Variants in SEMA6D observed in about 807,000 individuals in gnomAD.
The protein encoded by SEMA6D is semaphorin-6D.
In SEMA6D, 35 loss-of-function variants were observed where a neutral mutation model predicts 106.6. The ratio of observed to expected loss-of-function variants is 0.33; its 90% CI spans 0.25 to 0.44. The LOEUF (loss-of-function observed/expected upper bound fraction) is 0.44, where lower values mean the gene tolerates loss of function less well. Among genes scored for constraint, SEMA6D ranks in the 20% least tolerant of loss-of-function variants. SEMA6D has a pLI of 1.00. For missense variants in SEMA6D, 1,185 were observed against 1,345.9 expected (o/e 0.88, Z 1.87); for synonymous variants, 499 against 487.7 (o/e 1.02, Z -0.31).
chr15:47,496,959 A>G (rs73388968), intron 3 of SEMA6D, among the ~76,000 whole-genome samples: 2 of 152,056 alleles, frequency 1.3e-5, no homozygotes, highest in African/African-American at 4.8e-5. Flanking sequence ...CAGTCCTTCA[A>G]TGCACCACTA....
chr15:47,348,829 G>T (rs1480982064), intron 1 of SEMA6D, among the ~76,000 whole-genome samples: 1 of 151,680 alleles, frequency 6.6e-6, no homozygotes, highest in Non-Finnish European at 1.5e-5. Flanking sequence ...CTCACGGAGA[G>T]CTTTTAAGAG....
At chr15:47,487,206 G>A (rs1216020468) in intron 3 of SEMA6D, among the ~76,000 whole-genome samples, 1 of 152,180 alleles carries the variant, frequency 6.6e-6, no homozygotes, top group African/African-American at 2.4e-5. Context: ...AAGTGACATT[G>A]TGCAAGAGAT....
intron 3 of SEMA6D, among the ~76,000 whole-genome samples, chr15:47,488,856 T>C (rs1340576169): frequency 6.6e-6 from 1 of 152,136 alleles, no homozygotes. Flanking sequence ...TAGGGTCCTG[T>C]CGATTGTTTA....
chr15:47,284,568 T>A (rs541369014), intron 1 of SEMA6D, among the ~76,000 whole-genome samples: 1 of 152,314 alleles, frequency 6.6e-6, no homozygotes, highest in South Asian at 2.1e-4. Flanking sequence ...TGCCCTAGAA[T>A]TGGAAAAGAA....
chr15:47,745,969 T>C (rs764698303), intron 1 of SEMA6D, among the ~76,000 whole-genome samples: 1 of 152,230 alleles, frequency 6.6e-6, no homozygotes, highest in African/African-American at 2.4e-5. Flanking sequence ...AAGTTAGGAT[T>C]GACTTACAGA....
At chr15:47,399,345 C>T (rs948471991) in intron 1 of SEMA6D, 4 of 152,232 alleles carry the variant, frequency 2.6e-5, no homozygotes, top group Non-Finnish European at 5.9e-5. Flanking sequence ...GCCAAAGCAA[C>T]ATTAAACTTT....
In SEMA6D at chr15:47,771,408, A is replaced by G; in HGVS notation, c.2845A>G (p.Thr949Ala). Residue 949 changes from threonine to alanine, a missense_variant, in exon 19 of 19, where the codon ACC becomes GCC. This residue lies in a region of SEMA6D where 750 missense variants were observed against 783.5 expected (regional missense o/e 0.96). Transcript: ENST00000536845. ...NSPTKRVDVPTTPGVPMTSLE... is the reference protein window; with the variant it reads ...NSPTKRVDVPATPGVPMTSLE... ...CCCAACCAAGCGAGTGGATGTCCCC[A>G]CCACTCCTGGAGTCCCAATGACTTC... is the stretch of plus-strand genomic sequence containing the variant. 1 of 1,614,090 alleles carries G rather than the reference A, an allele frequency of 6.2e-7. No homozygotes were observed. The highest frequency in any genetic ancestry group is 8.5e-7 in the Non-Finnish European group (1 of 1,179,990).
At chr15:47,235,356 T>A (rs914750890) in intron 1 of SEMA6D, among the ~76,000 whole-genome samples, 1 of 152,036 alleles carries the variant, frequency 6.6e-6, no homozygotes, top group Non-Finnish European at 1.5e-5. Flanking sequence ...CATCAATTTT[T>A]TTATTATGTT....
chr15:47,562,863 C>T (rs1232465781), intron 3 of SEMA6D, among the ~76,000 whole-genome samples: 1 of 152,024 alleles, frequency 6.6e-6, no homozygotes, highest in Non-Finnish European at 1.5e-5. Flanking sequence ...AAACATATAT[C>T]CAAACAACAA....
At position 47,244,431 on chromosome 15, in the gene SEMA6D, A is replaced by G. The variant is rs372215795; in HGVS notation, c.-239+60013A>G. Reference sequence around the variant, plus strand: ...GTTTTCATTCTAATATCCTCAGCCCATTTCTTGATTATAAGCATGTGTTAT... The same window carrying G: ...GTTTTCATTCTAATATCCTCAGCCCGTTTCTTGATTATAAGCATGTGTTAT... On this transcript the variant is annotated intron_variant, in intron 1 of 19. Coordinates refer to the SEMA6D transcript ENST00000558014. 9.2e-5 allele frequency among the ~76,000 whole-genome samples: 14 copies of G among 152,264 alleles called. No homozygotes were observed. The East Asian group carries it at 2.3e-3, about 25-fold the overall frequency.
At chr15:47,590,727 G>A (rs555760408) in intron 3 of SEMA6D, among the ~76,000 whole-genome samples, 2 of 152,198 alleles carry the variant, frequency 1.3e-5, no homozygotes, top group African/African-American at 4.8e-5. Flanking sequence ...CAATGCAGCT[G>A]CAATCCAACG....
intron 3 of SEMA6D, among the ~76,000 whole-genome samples, chr15:47,559,934 T>C (rs1445069262): frequency 6.6e-6 from 1 of 152,070 alleles, no homozygotes; most frequent in Admixed American, 6.6e-5. Context: ...GTCAAAGTTA[T>C]GCAGACACAG....
intron 1 of SEMA6D, among the ~76,000 whole-genome samples, chr15:47,344,610 C>A (rs898077454): frequency 6.6e-6 from 1 of 152,072 alleles, no homozygotes; most frequent in African/African-American, 2.4e-5. Flanking sequence ...GGACAGAAGT[C>A]TTGAAAAGAG....
At chr15:47,350,538 T>C (rs4611399) in intron 1 of SEMA6D, among the ~76,000 whole-genome samples, 71,017 of 152,066 alleles carry the variant, frequency 0.47, 19,704 homozygotes, top group South Asian at 0.61. Flanking sequence ...TTCTACCAGC[T>C]GTCTCCATAT....
intron 2 of SEMA6D, among the ~76,000 whole-genome samples, chr15:47,425,135 G>A (rs548122499): frequency 2.0e-5 from 3 of 152,048 alleles, no homozygotes; most frequent in Non-Finnish European, 4.4e-5. Flanking sequence ...TCATTGAAAA[G>A]TCTGTCATAT....
intron 1 of SEMA6D, among the ~76,000 whole-genome samples, chr15:47,371,702 A>T (rs2145414057): frequency 6.6e-6 from 1 of 152,228 alleles, no homozygotes; most frequent in Admixed American, 6.5e-5. Context: ...ACAACTTGTG[A>T]GCCATTAAAA....
intron 1 of SEMA6D, among the ~76,000 whole-genome samples, chr15:47,220,011 G>C (rs1279255443): frequency 1.3e-5 from 2 of 152,198 alleles, no homozygotes; most frequent in Non-Finnish European, 2.9e-5. Context: ...GTTCATGGCA[G>C]CTGGGCAGTG....
intron 1 of SEMA6D, among the ~76,000 whole-genome samples, chr15:47,326,476 C>T (rs1220029210): frequency 6.6e-6 from 1 of 152,208 alleles, no homozygotes; most frequent in Non-Finnish European, 1.5e-5. Context: ...GAATTGCAAA[C>T]AGGTCAAATG....
chr15:47,230,994 C>T (rs2032153940), intron 1 of SEMA6D, among the ~76,000 whole-genome samples: 1 of 151,998 alleles, frequency 6.6e-6, no homozygotes, highest in Non-Finnish European at 1.5e-5. Flanking sequence ...CCCCTTTCCT[C>T]CCCTTTGTCT....
Sources: gnomAD v4.1 joint callset for allele counts (sites outside exome capture counted in the v4.1 genomes callset) on GRCh38, gnomAD v4.1.1 for gene constraint, gnomAD v4.1.1 regional missense constraint, MANE v1.5 for transcripts, NCBI Gene and HGNC (gene_info 2026-07-23, HGNC 2026-07-21) for gene names.